The following SNTB1 variants were observed in gnomAD, a reference collection of about 807,000 sequenced individuals.
SNTB1 encodes syntrophin beta 1.
In SNTB1, 36 loss-of-function variants were observed where a neutral mutation model predicts 48.9. The ratio of observed to expected loss-of-function variants is 0.74; its 90% CI spans 0.56 to 0.97. SNTB1 has a LOEUF of 0.97. Among genes scored for constraint, SNTB1 ranks in the 50% least tolerant of loss-of-function variants. SNTB1 has a pLI of 0.00. For synonymous variants in SNTB1, 299 were observed against 294.6 expected (o/e 1.01, Z -0.15); for missense variants, 786 against 703.4 (o/e 1.12, Z -1.33).
chr8:120,626,595 A>G (rs899034593), intron 3 of SNTB1, among the ~76,000 whole-genome samples: 2 of 152,154 alleles, frequency 1.3e-5, no homozygotes, highest in African/African-American at 4.8e-5. Context: ...TCTTCTCCTC[A>G]TCTAACTTAT....
chr8:120,651,128 C>T (rs373060613), intron 2 of SNTB1, among the ~76,000 whole-genome samples: 23 of 152,228 alleles, frequency 1.5e-4, no homozygotes, highest in Middle Eastern at 3.4e-3. Flanking sequence ...AATTTGTGCA[C>T]AATAAAATTG....
intron 1 of SNTB1, among the ~76,000 whole-genome samples, chr8:120,778,547 A>C (rs1819777035): frequency 6.6e-6 from 1 of 152,190 alleles, no homozygotes; most frequent in African/African-American, 2.4e-5. Flanking sequence ...ATGAGAATGG[A>C]GGTAGGGAAA....
chr8:120,599,239 G>A (rs974549897), intron 3 of SNTB1, among the ~76,000 whole-genome samples: 1 of 152,108 alleles, frequency 6.6e-6, no homozygotes, highest in African/African-American at 2.4e-5. Flanking sequence ...TTCATCAGTG[G>A]CCGTAACAAA....
At chr8:120,683,063 A>G (rs544030259) in intron 2 of SNTB1, among the ~76,000 whole-genome samples, 4 of 151,944 alleles carry the variant, frequency 2.6e-5, no homozygotes, top group African/African-American at 9.6e-5. Context: ...TTGTATTTTT[A>G]GTAGAGACGG....
At chr8:120,696,277 G>A (rs1246750914) in intron 1 of SNTB1, among the ~76,000 whole-genome samples, 1 of 152,184 alleles carries the variant, frequency 6.6e-6, no homozygotes, top group Non-Finnish European at 1.5e-5. Context: ...TGGGGAAGGT[G>A]CCATTTGAAC....
intron 3 of SNTB1, among the ~76,000 whole-genome samples, chr8:120,598,434 T>C (rs148163030): frequency 6.6e-6 from 1 of 152,314 alleles, no homozygotes; most frequent in Non-Finnish European, 1.5e-5. Flanking sequence ...TTCTCCTGAG[T>C]GTCATTTATG....
intron 1 of SNTB1, among the ~76,000 whole-genome samples, chr8:120,740,025 C>T (rs1359153332): frequency 4.6e-5 from 7 of 152,128 alleles, no homozygotes; most frequent in Non-Finnish European, 1.0e-4. Flanking sequence ...AGTCAATGGC[C>T]CTAAGAGAAA....
intron 3 of SNTB1, among the ~76,000 whole-genome samples, chr8:120,612,431 TG>T (rs1816641029): frequency 6.6e-6 from 1 of 152,160 alleles, no homozygotes; most frequent in African/African-American, 2.4e-5. Context: ...TATACAGTGG[TG>T]GTTATTAAAC....
chr8:120,710,017 G>A (rs1818437678), intron 1 of SNTB1, among the ~76,000 whole-genome samples: 1 of 152,126 alleles, frequency 6.6e-6, no homozygotes, highest in Non-Finnish European at 1.5e-5. Context: ...GGAGATAGCA[G>A]GTATGTAACA....
At chr8:120,775,338 A>G (rs1372864431) in intron 1 of SNTB1, 1 of 152,158 alleles carries the variant, frequency 6.6e-6, no homozygotes, top group Non-Finnish European at 1.5e-5. Flanking sequence ...TCCCAGCTTC[A>G]GAGAGGAGAA....
rs943941509 is a variant in SNTB1, at chr8:120,770,517, G to A, written c.571+40756C>T. Among the ~76,000 whole-genome samples the A allele has an allele frequency of 3.3e-5, 5 of 151,744 alleles. No individual in the cohort carries two copies. The East Asian group carries it at 9.7e-4, about 29-fold the overall frequency. ...TGGTTTGAGAGAGGTATCTTTGAAAGTACACACCTTTACGCCGGGTGCAGT... is the reference window on the plus strand; with the variant it reads ...TGGTTTGAGAGAGGTATCTTTGAAAATACACACCTTTACGCCGGGTGCAGT... On this transcript the variant is annotated intron_variant, in intron 1 of 6. Coordinates refer to ENST00000517992, the MANE Select transcript of SNTB1 (RefSeq NM_021021.4).
chr8:120,669,651 A>G (rs1817727814), intron 2 of SNTB1, among the ~76,000 whole-genome samples: 1 of 92,844 alleles, frequency 1.1e-5, no homozygotes, highest in Non-Finnish European at 1.9e-5. Flanking sequence ...ACGGGGTTTC[A>G]CCGTGTTAGC....
intron 1 of SNTB1, among the ~76,000 whole-genome samples, chr8:120,713,202 T>C (rs1224307543): frequency 6.6e-6 from 1 of 152,148 alleles, no homozygotes; most frequent in Non-Finnish European, 1.5e-5. Context: ...CATCTATAGA[T>C]ACACCTGATA....
At chr8:120,654,497 G>A (rs1178051177) in intron 2 of SNTB1, among the ~76,000 whole-genome samples, 2 of 152,122 alleles carry the variant, frequency 1.3e-5, no homozygotes, top group African/African-American at 4.8e-5. Flanking sequence ...CAATGCCACA[G>A]CTGTGTTTAT....
intron 1 of SNTB1, among the ~76,000 whole-genome samples, chr8:120,749,534 T>C (rs1210358740): frequency 1.3e-5 from 2 of 152,198 alleles, no homozygotes; most frequent in East Asian, 3.8e-4. Flanking sequence ...TATCTTATTC[T>C]ATTTTTTTCT....
intron 1 of SNTB1, among the ~76,000 whole-genome samples, chr8:120,781,921 A>C (rs1326149004): frequency 3.3e-5 from 5 of 152,220 alleles, no homozygotes; most frequent in Admixed American, 3.3e-4. Context: ...ACATATAGCC[A>C]GGTGTATTAG....
chr8:120,634,881 T>C lies in SNTB1; in HGVS notation c.789-2230A>G, dbSNP rs192808110. On this transcript the variant is annotated intron_variant, in intron 2 of 6. Coordinates refer to ENST00000517992, the MANE Select transcript of SNTB1 (RefSeq NM_021021.4). ...TTTTTTTTTTTTTTGAGACGGAGTC[T>C]CGCTCTGTCGCCCAGGCTGGAGTGC... Among the ~76,000 whole-genome samples the C allele has an allele frequency of 2.9e-3, 427 of 149,716 alleles. 4 individuals carry two copies. The highest frequency in any genetic ancestry group is 0.01 in the African/African-American group (419 of 40,574).
chr8:120,536,702 T>G lies in SNTB1; in HGVS notation c.*2175A>C, dbSNP rs1173897892. 1 of 152,024 alleles carries G rather than the reference T, an allele frequency of 6.6e-6. No homozygotes were observed. 9.4% of individuals were successfully genotyped at this position (152,024 alleles called of 1,614,324 possible). On this transcript the variant is annotated 3_prime_UTR_variant, in exon 7 of 7. Coordinates refer to ENST00000517992, the MANE Select transcript of SNTB1 (RefSeq NM_021021.4). ...AAATATAAATAATTAAATTAAATGT[T>G]TATAAATGTAGAGAATGTAGTTTCC... is the stretch of plus-strand genomic sequence containing the variant.
At chr8:120,661,555 G>A (rs916771700) in intron 2 of SNTB1, among the ~76,000 whole-genome samples, 3 of 152,128 alleles carry the variant, frequency 2.0e-5, no homozygotes, top group African/African-American at 7.2e-5. Context: ...AGGTATACAT[G>A]TGCCATGGTT....
Sources: gnomAD v4.1 joint callset for allele counts (sites outside exome capture counted in the v4.1 genomes callset) on GRCh38, gnomAD v4.1.1 for gene constraint, MANE v1.5 for transcripts, NCBI Gene and HGNC (gene_info 2026-07-23, HGNC 2026-07-21) for gene names.